The following ACER2 variants were observed in gnomAD, a reference collection of about 807,000 sequenced individuals.
ACER2 encodes alkaline ceramidase 2.
ACER2 carries 26 observed loss-of-function variants against 34.7 expected under a neutral mutation model. That is an observed-to-expected ratio of 0.75 (90% CI 0.55 to 1.04). The LOEUF is 1.04. Ranked by LOEUF, ACER2 falls within the 50% of genes least tolerant of loss-of-function variation. ACER2 has a pLI of 0.00. For synonymous variants in ACER2, 138 were observed against 132.1 expected (o/e 1.04, Z -0.31); for missense variants, 352 against 340.8 (o/e 1.03, Z -0.26).
At chr9:19,411,366 C>T (rs1438062373) in intron 1 of ACER2, among the ~76,000 whole-genome samples, 4 of 151,534 alleles carry the variant, frequency 2.6e-5, no homozygotes, top group Non-Finnish European at 5.9e-5. Flanking sequence ...TAGCAAAAAA[C>T]GTTTCTTCCC....
intron 4 of ACER2, among the ~76,000 whole-genome samples, chr9:19,443,064 T>G (rs530497671): frequency 6.6e-6 from 1 of 152,168 alleles, no homozygotes; most frequent in African/African-American, 2.4e-5. Flanking sequence ...GGAGTCTTGC[T>G]CAGTCGCCCA....
chr9:19,446,411 T>G lies in ACER2; in HGVS notation c.634T>G (p.Cys212Gly). ...LSSFNFPYLH[C>G]MWHILICLAA... is the part of the protein sequence containing the mutation. Reference sequence around the variant, plus strand: ...ATCCTTCAACTTCCCCTACCTGCACTGCATGTGGTAAGCCCCTGCTAATGG... The same window carrying G: ...ATCCTTCAACTTCCCCTACCTGCACGGCATGTGGTAAGCCCCTGCTAATGG... Residue 212 changes from cysteine to glycine, a missense_variant, in exon 5 of 6, where the codon TGC becomes GGC. By Grantham distance (159) the Cys-to-Gly change is radical. Coordinates refer to ENST00000340967, the MANE Select transcript of ACER2 (RefSeq NM_001010887.3). 6.2e-7 allele frequency: 1 copy of G among 1,614,192 alleles called. No homozygotes were observed. Among genetic ancestry groups the G allele is most frequent in the South Asian group, 1.1e-5 (1 of 91,092 alleles).
chr9:19,424,272 C>G, intron 2 of ACER2: 1 of 769,128 alleles, frequency 1.3e-6, no homozygotes, highest in Non-Finnish European at 1.6e-6. Context: ...TCTGGGGAGG[C>G]TGGTTTCTAA....
At chr9:19,444,572 C>G (rs1831285462) in intron 4 of ACER2, among the ~76,000 whole-genome samples, 1 of 152,172 alleles carries the variant, frequency 6.6e-6, no homozygotes, top group Non-Finnish European at 1.5e-5. Flanking sequence ...TCGAAACCAT[C>G]CTGGTCGGCA....
chr9:19,438,826 C>T (rs1254760278), intron 4 of ACER2, among the ~76,000 whole-genome samples: 2 of 152,104 alleles, frequency 1.3e-5, no homozygotes, highest in Non-Finnish European at 2.9e-5. Flanking sequence ...TGCTCTGTTG[C>T]CCAGGCTGGA....
chr9:19,446,763 C>G lies in ACER2; in HGVS notation c.641+345C>G, dbSNP rs1004355451. 5.6e-6 allele frequency: 3 copies of G among 535,642 alleles called. No individual in the cohort carries two copies. The African/African-American group carries it at 6.2e-5, about 11-fold the overall frequency. 33.2% of individuals were successfully genotyped at this position (535,642 alleles called of 1,614,324 possible). A position where few individuals can be genotyped will look rare whatever the true frequency, so the allele number is the denominator to read the frequency against. ...GGGGGAGGGGAGAGGTAGGGGAAAGCTGGGGAAAGAGGTGATGTGAGGGCT... is the reference window on the plus strand; with the variant it reads ...GGGGGAGGGGAGAGGTAGGGGAAAGGTGGGGAAAGAGGTGATGTGAGGGCT... On this transcript the variant is annotated intron_variant, in intron 5 of 5. Transcript: ENST00000340967.
At chr9:19,416,115 T>C (rs542100012) in intron 1 of ACER2, among the ~76,000 whole-genome samples, 5 of 151,808 alleles carry the variant, frequency 3.3e-5, no homozygotes, top group African/African-American at 1.2e-4. Context: ...AAAGATCAGG[T>C]TTTAAGTTAC....
chr9:19,442,871 C>G (rs1484910677), intron 4 of ACER2, among the ~76,000 whole-genome samples: 1 of 150,502 alleles, frequency 6.6e-6, no homozygotes, highest in Non-Finnish European at 1.5e-5. Flanking sequence ...CTCGCTCTGT[C>G]GCCCAGGCTG....
In ACER2 at chr9:19,409,031, G is replaced by T. The variant is rs1219844804; in HGVS notation, c.-54G>T. The T allele has an allele frequency of 3.4e-6, 5 of 1,477,008 alleles. No homozygotes were observed. Among genetic ancestry groups the T allele is most frequent in the South Asian group, 1.3e-5 (1 of 78,716 alleles). 91.5% of individuals were successfully genotyped at this position (1,477,008 alleles called of 1,614,324 possible). A position where few individuals can be genotyped will look rare whatever the true frequency, so the allele number is the denominator to read the frequency against. ...GTCGCCGCGTTTTGCCTCCGCAGCA[G>T]CTCTGGGCTCTTCTCAGCTGCGCGA... On this transcript the variant is annotated 5_prime_UTR_variant, in exon 1 of 6. Transcript: ENST00000340967.
chr9:19,429,854 C>T lies in ACER2; in HGVS notation c.365+5013C>T, dbSNP rs183930440. On this transcript the variant is annotated intron_variant, in intron 3 of 5. Coordinates refer to ENST00000340967, the MANE Select transcript of ACER2 (RefSeq NM_001010887.3). Reference sequence around the variant, plus strand: ...AGGGTTGAAGTAGCTCTCTGAGGTCCGTTTCATGACCAAATGCTATATTGC... The same window carrying T: ...AGGGTTGAAGTAGCTCTCTGAGGTCTGTTTCATGACCAAATGCTATATTGC... Among the ~76,000 whole-genome samples, 15 of 152,156 alleles carry T rather than the reference C, an allele frequency of 9.9e-5. No homozygotes were observed. The East Asian group carries it at 1.5e-3, about 16-fold the overall frequency.
intron 3 of ACER2, among the ~76,000 whole-genome samples, chr9:19,429,831 G>A (rs1216202550): frequency 6.6e-6 from 1 of 152,104 alleles, no homozygotes; most frequent in Non-Finnish European, 1.5e-5. Flanking sequence ...AAAATAACAG[G>A]GTTGAAGTAG....
At chr9:19,420,363 A>G (rs1421384473) in intron 1 of ACER2, among the ~76,000 whole-genome samples, 1 of 152,276 alleles carries the variant, frequency 6.6e-6, no homozygotes, top group South Asian at 2.1e-4. Flanking sequence ...GGTGTTACTC[A>G]TGTAGACTTA....
At chr9:19,422,679 G>A (rs1249879306) in intron 1 of ACER2, among the ~76,000 whole-genome samples, 1 of 150,196 alleles carries the variant, frequency 6.7e-6, no homozygotes, top group African/African-American at 2.5e-5. Flanking sequence ...TCTTTTTTAC[G>A]CCTTCATTAA....
chr9:19,424,842 G>C lies in ACER2; in HGVS notation c.365+1G>C. Reference sequence around the variant, plus strand: ...TACCAAAGATCTTTCGGAATGACCGGTAAGCTTGCACTAAACATTATTGCA... The same window carrying C: ...TACCAAAGATCTTTCGGAATGACCGCTAAGCTTGCACTAAACATTATTGCA... On this transcript the variant is annotated splice_donor_variant, in intron 3 of 5. Coordinates refer to ENST00000340967, the MANE Select transcript of ACER2 (RefSeq NM_001010887.3). LOFTEE classifies it high-confidence loss of function. 2 of 1,614,126 alleles carry C rather than the reference G, an allele frequency of 1.2e-6. No homozygotes were observed. The highest frequency in any genetic ancestry group is 1.7e-6 in the Non-Finnish European group (2 of 1,180,014).
intron 1 of ACER2, among the ~76,000 whole-genome samples, chr9:19,410,283 C>T (rs1027725184): frequency 6.6e-6 from 1 of 152,220 alleles, no homozygotes; most frequent in African/African-American, 2.4e-5. Context: ...AGGGAGCTGT[C>T]ATGCTCACAT....
chr9:19,438,280 A>G (rs1831036175), intron 4 of ACER2, among the ~76,000 whole-genome samples: 1 of 152,244 alleles, frequency 6.6e-6, no homozygotes, highest in Admixed American at 6.5e-5. Flanking sequence ...CACATGGTAG[A>G]TCTCAGCAAA....
chr9:19,423,599 G>C (rs1393711360), intron 1 of ACER2, among the ~76,000 whole-genome samples: 3 of 152,214 alleles, frequency 2.0e-5, no homozygotes, highest in Non-Finnish European at 1.5e-5. Flanking sequence ...TACTCAGGAG[G>C]CTGAGGCAGG....
chr9:19,447,675 T>C (rs1459194644), intron 5 of ACER2, among the ~76,000 whole-genome samples: 1 of 152,208 alleles, frequency 6.6e-6, no homozygotes, highest in South Asian at 2.1e-4. Flanking sequence ...CTAAGTCCCC[T>C]GTCACACATG....
chr9:19,409,830 T>C lies in ACER2; in HGVS notation c.108+638T>C, dbSNP rs192920993. On this transcript the variant is annotated intron_variant, in intron 1 of 5. Transcript: ENST00000340967. ...TCCCCCAGGACTGTGCTTTCTCCAGTTCTGAAGTCTGAGGGATGAAAGGAA... is the reference window on the plus strand; with the variant it reads ...TCCCCCAGGACTGTGCTTTCTCCAGCTCTGAAGTCTGAGGGATGAAAGGAA... The C allele has an allele frequency of 3.0e-6, 3 of 985,406 alleles. No homozygotes were observed. The East Asian group carries it at 3.4e-4, about 112-fold the overall frequency. 61.0% of individuals were successfully genotyped at this position (985,406 alleles called of 1,614,324 possible).
Sources: gnomAD v4.1 joint callset for allele counts (sites outside exome capture counted in the v4.1 genomes callset) on GRCh38, gnomAD v4.1.1 for gene constraint, MANE v1.5 for transcripts, NCBI Gene and HGNC (gene_info 2026-07-23, HGNC 2026-07-21) for gene names.